The following RPL22 variants were observed in gnomAD, a reference collection of about 807,000 sequenced individuals.
RPL22 encodes the protein ribosomal protein L22.
Under a neutral mutation model 16.2 loss-of-function variants are expected in RPL22, and 4 were observed. The observed-to-expected ratio is 0.25, with a 90% CI of 0.12 to 0.57. RPL22 has a LOEUF of 0.57. RPL22 is among the 20% of genes least tolerant of loss of function. The probability of loss-of-function intolerance (pLI) is 0.92; values close to 1 mark genes in which losing one functional copy is unlikely to be tolerated. For synonymous variants in RPL22, 43 were observed against 54.8 expected (o/e 0.78, Z 0.95); for missense variants, 83 against 156.1 (o/e 0.53, Z 2.49).
intron 1 of RPL22, chr1:6,199,237 C>A (rs1277463840): frequency 2.6e-6 from 1 of 385,376 alleles, no homozygotes; most frequent in Admixed American, 4.8e-5. Context: ...GCCCTCCACC[C>A]AGGTAATCAG....
At position 6,195,338 on chromosome 1, in the gene RPL22, G is replaced by A. The variant is rs374517319; in HGVS notation, c.118-2284C>T. On this transcript the variant is annotated intron_variant, in intron 2 of 3. Coordinates refer to ENST00000234875, the MANE Select transcript of RPL22 (RefSeq NM_000983.4). ...CAGACACCTGTAGTCCCAGCTATTC[G>A]GGAGGCTGAGGCAGGAGAATGGCAT... Among the ~76,000 whole-genome samples the A allele has an allele frequency of 5.3e-5, 8 of 151,688 alleles. 1 individual carries two copies. Among genetic ancestry groups the A allele is most frequent in the Admixed American group, 1.3e-4 (2 of 15,206 alleles).
At position 6,186,646 on chromosome 1, in the gene RPL22, T is replaced by A; in HGVS notation, c.*26A>T. On this transcript the variant is annotated 3_prime_UTR_variant, in exon 4 of 4. Transcript: ENST00000234875. ...TTCCCAAGTTTTATTCAAGAACTCATACAAAATTTTCCAGATAAATGAAAT... is the reference window on the plus strand; with the variant it reads ...TTCCCAAGTTTTATTCAAGAACTCAAACAAAATTTTCCAGATAAATGAAAT... 1 of 1,452,644 alleles carries A rather than the reference T, an allele frequency of 6.9e-7. No homozygotes were observed. The highest frequency in any genetic ancestry group is 1.3e-5 in the South Asian group (1 of 77,834). 90.0% of individuals were successfully genotyped at this position (1,452,644 alleles called of 1,614,324 possible).
chr1:6,186,614 A>T lies in RPL22; in HGVS notation c.*58T>A. On this transcript the variant is annotated 3_prime_UTR_variant, in exon 4 of 4. Transcript: ENST00000234875. ...TGCAGAGATACAAGGATAAACCACCATTTTGGTTCCCAAGTTTTATTCAAG... is the reference window on the plus strand; with the variant it reads ...TGCAGAGATACAAGGATAAACCACCTTTTTGGTTCCCAAGTTTTATTCAAG... 8.3e-7 allele frequency: 1 copy of T among 1,206,468 alleles called. No individual in the cohort carries two copies. Among genetic ancestry groups the T allele is most frequent in the Non-Finnish European group, 1.1e-6 (1 of 871,786 alleles). 74.7% of individuals were successfully genotyped at this position (1,206,468 alleles called of 1,614,324 possible).
At chr1:6,188,277 C>A (rs1345150716) in intron 3 of RPL22, among the ~76,000 whole-genome samples, 4 of 152,188 alleles carry the variant, frequency 2.6e-5, no homozygotes, top group Non-Finnish European at 4.4e-5. Context: ...AAGTGTCTGC[C>A]CACCTCAGCC....
intron 3 of RPL22, among the ~76,000 whole-genome samples, chr1:6,190,377 T>G (rs1438195031): frequency 6.6e-6 from 1 of 152,178 alleles, no homozygotes; most frequent in Non-Finnish European, 1.5e-5. Flanking sequence ...GTATGTTGGT[T>G]TTCTTTTGTT....
chr1:6,191,652 G>A (rs1364480663), intron 3 of RPL22, among the ~76,000 whole-genome samples: 2 of 147,830 alleles, frequency 1.4e-5, no homozygotes, highest in Non-Finnish European at 3.0e-5. Context: ...TCCAGCCTGG[G>A]CAACAAAGCG....
At chr1:6,191,992 C>T (rs1485174171) in intron 3 of RPL22, among the ~76,000 whole-genome samples, 11 of 143,828 alleles carry the variant, frequency 7.6e-5, no homozygotes, top group Admixed American at 2.1e-4. Context: ...GAGCAAGACT[C>T]GGTTTCAAAA....
chr1:6,197,722 T>C lies in RPL22; in HGVS notation c.47A>G (p.Lys16Arg). Residue 16 changes from lysine (K) to arginine (R), a missense_variant, in exon 2 of 4, where the codon AAG (lysine) becomes AGG (arginine). Coordinates refer to ENST00000234875, the MANE Select transcript of RPL22 (RefSeq NM_000983.4). The stretch of plus-strand genomic sequence containing the variant: ...ATCAAGAGTGAACTTCAGAACTTGC[T>C]TCTTTTTTTTGCCCCCCTTCACCAC... ...KLVVKGGKKK[K>R]QVLKFTLDCT... The C allele has an allele frequency of 6.2e-7, 1 of 1,613,978 alleles. No homozygotes were observed. Among genetic ancestry groups the C allele is most frequent in the Non-Finnish European group, 8.5e-7 (1 of 1,179,922 alleles).
At chr1:6,199,258 G>T in intron 1 of RPL22, 1 of 492,804 alleles carries the variant, frequency 2.0e-6, no homozygotes, top group Non-Finnish European at 3.1e-6. Context: ...GCCCCCGGCC[G>T]GGGTCCGAGG....
intron 3 of RPL22, among the ~76,000 whole-genome samples, chr1:6,189,940 A>T (rs1302989257): frequency 6.6e-6 from 1 of 152,170 alleles, no homozygotes; most frequent in Non-Finnish European, 1.5e-5. Context: ...AAATAAATAA[A>T]AACCCTGTAC....
chr1:6,189,557 TA>T (rs1042796535), intron 3 of RPL22, among the ~76,000 whole-genome samples: 1 of 96,824 alleles, frequency 1.0e-5, no homozygotes. Context: ...AGACCCTATC[TA>T]AAAAAAAGGA....
At chr1:6,190,080 A>G (rs1667630839) in intron 3 of RPL22, among the ~76,000 whole-genome samples, 1 of 152,212 alleles carries the variant, frequency 6.6e-6, no homozygotes, top group Non-Finnish European at 1.5e-5. Context: ...TGGATAAAGA[A>G]CAGAAAGTTT....
intron 3 of RPL22, among the ~76,000 whole-genome samples, chr1:6,189,101 T>C (rs901592302): frequency 1.1e-4 from 17 of 152,128 alleles, no homozygotes; most frequent in African/African-American, 4.1e-4. Context: ...CCCTGGCATA[T>C]TCACAGGACC....
intron 3 of RPL22, among the ~76,000 whole-genome samples, chr1:6,188,907 T>C (rs1367947128): frequency 1.3e-5 from 2 of 151,786 alleles, no homozygotes; most frequent in East Asian, 3.9e-4. Flanking sequence ...TGCCTCAGCC[T>C]CCCGAGTAGC....
intron 3 of RPL22, among the ~76,000 whole-genome samples, chr1:6,187,434 G>A (rs1667595831): frequency 6.6e-6 from 1 of 152,058 alleles, no homozygotes; most frequent in African/African-American, 2.4e-5. Flanking sequence ...CTAACACGAT[G>A]CAACCCTATC....
intron 2 of RPL22, among the ~76,000 whole-genome samples, chr1:6,196,146 T>G (rs1667716689): frequency 1.3e-5 from 2 of 152,218 alleles, no homozygotes; most frequent in Non-Finnish European, 2.9e-5. Flanking sequence ...GTCAGAAATC[T>G]TGAATTCTGC....
intron 3 of RPL22, among the ~76,000 whole-genome samples, chr1:6,190,251 G>A (rs1204630437): frequency 1.3e-5 from 2 of 152,222 alleles, no homozygotes; most frequent in African/African-American, 4.8e-5. Flanking sequence ...CAGGCAGACT[G>A]TGAGGACTTC....
At chr1:6,199,226 C>G (rs551990815) in intron 1 of RPL22, 1 of 348,918 alleles carries the variant, frequency 2.9e-6, no homozygotes. Flanking sequence ...TCTTCTTCCC[C>G]GCCCTCCACC....
intron 3 of RPL22, among the ~76,000 whole-genome samples, chr1:6,189,875 C>T (rs555846091): frequency 2.6e-5 from 4 of 152,242 alleles, no homozygotes; most frequent in South Asian, 2.1e-4. Context: ...GAGCTGAAAT[C>T]GCGCCATTGC....
Sources: gnomAD v4.1 joint callset for allele counts (sites outside exome capture counted in the v4.1 genomes callset) on GRCh38, gnomAD v4.1.1 for gene constraint, MANE v1.5 for transcripts, NCBI Gene and HGNC (gene_info 2026-07-23, HGNC 2026-07-21) for gene names.